Variants in CDH4 observed in about 807,000 individuals in gnomAD.
The protein encoded by CDH4 is cadherin 4.
CDH4 carries 33 observed loss-of-function variants against 86.0 expected under a neutral mutation model. The observed-to-expected ratio is 0.38, with a 90% CI of 0.29 to 0.51. The LOEUF is 0.51. Among genes scored for constraint, CDH4 ranks in the 20% least tolerant of loss-of-function variants. CDH4 has a pLI of 0.86. For missense variants in CDH4, 1,114 were observed against 1,307.4 expected, an observed-to-expected ratio of 0.85 and a Z score of 2.28; for synonymous variants, 555 against 549.4, an observed-to-expected ratio of 1.01 and a Z score of -0.14.
intron 2 of CDH4, among the ~76,000 whole-genome samples, chr20:61,580,501 A>C (rs944025198): frequency 3.9e-5 from 6 of 152,052 alleles, no homozygotes; most frequent in Admixed American, 3.9e-4. Flanking sequence ...AAAAAATTGC[A>C]TGTGTTTTTT....
intron 2 of CDH4, among the ~76,000 whole-genome samples, chr20:61,519,229 G>A (rs1382914417): frequency 6.6e-6 from 1 of 152,218 alleles, no homozygotes; most frequent in African/African-American, 2.4e-5. Flanking sequence ...AGGATGATGT[G>A]TGCCTCTGTC....
chr20:61,520,999 G>C (rs897270387), intron 2 of CDH4, among the ~76,000 whole-genome samples: 1 of 152,308 alleles, frequency 6.6e-6, no homozygotes, highest in East Asian at 1.9e-4. Context: ...GGGAACACAG[G>C]AGGGTCTCCC....
At chr20:61,747,823 G>A (rs2088436285) in intron 3 of CDH4, among the ~76,000 whole-genome samples, 1 of 151,844 alleles carries the variant, frequency 6.6e-6, no homozygotes, top group African/African-American at 2.4e-5. Flanking sequence ...GAGGGGGAGA[G>A]AGAAAATGGG....
chr20:61,342,325 CA>C (rs1162351290), intron 2 of CDH4, among the ~76,000 whole-genome samples: 1 of 152,220 alleles, frequency 6.6e-6, no homozygotes. Context: ...TTACACAACT[CA>C]CCATGACGTA....
At chr20:61,726,061 A>G (rs1318429507) in intron 2 of CDH4, among the ~76,000 whole-genome samples, 2 of 152,026 alleles carry the variant, frequency 1.3e-5, no homozygotes, top group Admixed American at 6.5e-5. Context: ...CAGAGACGAC[A>G]GGAGCCAGCC....
Position 61,263,484 on chromosome 20 carries a change from A to G in CDH4, c.169+8547A>G, listed in dbSNP as rs374623397. ...GTTTGGGGGGACTTACCATGTGCCA[A>G]TGTGTCTTCTCATTTAACGCTGTCA... is the stretch of plus-strand genomic sequence containing the variant. On this transcript the variant is annotated intron_variant, in intron 2 of 15. Coordinates refer to ENST00000614565, the MANE Select transcript of CDH4 (RefSeq NM_001794.5). Among the ~76,000 whole-genome samples the G allele has an allele frequency of 7.2e-5, 11 of 152,276 alleles. No homozygotes were observed. In the South Asian group the frequency reaches 2.1e-3, roughly 29 times the overall value.
At chr20:61,901,096 G>A (rs1239740995) in intron 8 of CDH4, among the ~76,000 whole-genome samples, 1 of 152,174 alleles carries the variant, frequency 6.6e-6, no homozygotes, top group Non-Finnish European at 1.5e-5. Flanking sequence ...TTCTGGGAAG[G>A]GAGCAAGCCA....
At chr20:61,333,471 C>T (rs1166604713) in intron 2 of CDH4, among the ~76,000 whole-genome samples, 1 of 152,192 alleles carries the variant, frequency 6.6e-6, no homozygotes, top group African/African-American at 2.4e-5. Flanking sequence ...CCAGATAATC[C>T]AGCCAAGGGG....
intron 4 of CDH4, among the ~76,000 whole-genome samples, chr20:61,786,922 G>A (rs1245087038): frequency 6.6e-6 from 1 of 152,344 alleles, no homozygotes. Flanking sequence ...GCTGTTCTGA[G>A]GACAAGTTTA....
At chr20:61,621,139 T>C (rs1027293489) in intron 2 of CDH4, among the ~76,000 whole-genome samples, 1 of 152,222 alleles carries the variant, frequency 6.6e-6, no homozygotes, top group African/African-American at 2.4e-5. Flanking sequence ...AAGGTGAGCA[T>C]TGTGAACTGA....
At chr20:61,635,635 G>C (rs897119320) in intron 2 of CDH4, among the ~76,000 whole-genome samples, 6 of 152,204 alleles carry the variant, frequency 3.9e-5, no homozygotes, top group African/African-American at 7.2e-5. Context: ...AACAGAGGCT[G>C]GGCTATCACC....
At chr20:61,512,892 T>G (rs1045963199) in intron 2 of CDH4, among the ~76,000 whole-genome samples, 1 of 152,252 alleles carries the variant, frequency 6.6e-6, no homozygotes, top group Non-Finnish European at 1.5e-5. Context: ...TGATTGAGCT[T>G]GTTCAGTTTG....
At chr20:61,418,193 CTT>C (rs1288898815) in intron 2 of CDH4, among the ~76,000 whole-genome samples, 1 of 143,888 alleles carries the variant, frequency 6.9e-6, no homozygotes, top group Non-Finnish European at 1.5e-5. Context: ...TCAGCCCAAA[CTT>C]TTTTCTTTTT....
intron 2 of CDH4, among the ~76,000 whole-genome samples, chr20:61,689,204 GGTGAGGTGATGTGGAAT>G (rs2087624607): frequency 6.6e-6 from 1 of 151,420 alleles, no homozygotes. Context: ...GACAGTGGTT[GGTGAGGTGATGTGGAAT>G]CGGGCTGGGA....
chr20:61,273,829 A>G (rs1419581845), intron 2 of CDH4, among the ~76,000 whole-genome samples: 48 of 123,002 alleles, frequency 3.9e-4, no homozygotes, highest in East Asian at 8.1e-4. Flanking sequence ...GGGGAGTACT[A>G]TGTGCAGTTT....
chr20:61,730,889 C>G (rs1352906513), intron 2 of CDH4, among the ~76,000 whole-genome samples: 1 of 146,084 alleles, frequency 6.8e-6, no homozygotes, highest in Admixed American at 6.8e-5. Context: ...GCGGGCTGAG[C>G]TGGGCGGCGG....
chr20:61,336,671 C>T (rs1297738708), intron 2 of CDH4, among the ~76,000 whole-genome samples: 2 of 152,058 alleles, frequency 1.3e-5, no homozygotes, highest in East Asian at 3.9e-4. Context: ...TTCTTTTTGA[C>T]CCAAAAATGG....
At chr20:61,358,745 T>A (rs1454185673) in intron 2 of CDH4, among the ~76,000 whole-genome samples, 1 of 152,156 alleles carries the variant, frequency 6.6e-6, no homozygotes. Context: ...CAGGCAACAG[T>A]GATCCCGGCC....
At chr20:61,325,659 G>A (rs1291413807) in intron 2 of CDH4, among the ~76,000 whole-genome samples, 1 of 151,890 alleles carries the variant, frequency 6.6e-6, no homozygotes, top group Non-Finnish European at 1.5e-5. Context: ...ACTTGGGGGG[G>A]CCACAGCAAA....
Sources: gnomAD v4.1 joint callset for allele counts (sites outside exome capture counted in the v4.1 genomes callset) on GRCh38, gnomAD v4.1.1 for gene constraint, MANE v1.5 for transcripts, NCBI Gene and HGNC (gene_info 2026-07-23, HGNC 2026-07-21) for gene names.